NEB: variants seen among roughly 807,000 people sequenced by gnomAD.
NEB encodes the protein nemaline myopathy type 2.
Under a neutral mutation model 952.2 loss-of-function variants are expected in NEB, and 512 were observed. That is an observed-to-expected ratio of 0.54 (90% CI 0.50 to 0.58). NEB has a LOEUF of 0.58. Among genes scored for constraint, NEB ranks in the 20% least tolerant of loss-of-function variants. The probability of loss-of-function intolerance (pLI) is 0.00; values close to 1 mark genes in which losing one functional copy is unlikely to be tolerated. For synonymous variants in NEB, 2,900 were observed against 3,149.8 expected (o/e 0.92, Z 2.66); for missense variants, 8,428 against 9,231.1 (o/e 0.91, Z 3.56).
chr2:151,677,020 C>T (rs903483110), intron 34 of NEB, among the ~76,000 whole-genome samples: 6 of 152,170 alleles, frequency 3.9e-5, no homozygotes, highest in Admixed American at 1.3e-4. Context: ...AGAGCATAGA[C>T]GCTGCTCATG....
Position 151,690,854 on chromosome 2 carries a change from T to C in NEB, c.2212-29A>G, listed in dbSNP as rs1194386870. ...GAAAAGAAGATGTTCTTTAATGAAA[T>C]ATCAGTATATTCTTGGTTATACATG... On this transcript the variant is annotated intron_variant, in intron 23 of 181. Coordinates refer to ENST00000397345, the MANE Select transcript of NEB (RefSeq NM_001164508.2). The C allele has an allele frequency of 1.0e-5, 15 of 1,459,388 alleles. No homozygotes were observed. The South Asian group carries it at 1.8e-4, about 18-fold the overall frequency. The allele number at this position is 1,459,388 out of a possible 1,614,324, so 90.4% of individuals were successfully genotyped here.
At position 151,614,566 on chromosome 2, in the gene NEB, G is replaced by A. The variant is rs767978939; in HGVS notation, c.11311C>T (p.Arg3771Cys). 4.3e-5 allele frequency: 69 copies of A among 1,613,338 alleles called. No homozygotes were observed. The highest frequency in any genetic ancestry group is 6.7e-5 in the East Asian group (3 of 44,886). Reference sequence around the variant, plus strand: ...CCAATATGGTGGCCAAGCTGTTTGCGGTAGCCTTCCTTGTACTTGTACTAA... The same window carrying A: ...CCAATATGGTGGCCAAGCTGTTTGCAGTAGCCTTCCTTGTACTTGTACTAA... Reference protein sequence around the residue: ...ASDYKYKEGYRKQLGHHIGAR... With the variant: ...ASDYKYKEGYCKQLGHHIGAR... The change falls in exon 77 of 182, where the codon CGC (arginine) becomes TGC (cysteine). Residue 3771 changes from arginine to cysteine, a missense_variant. Coordinates refer to ENST00000397345, the MANE Select transcript of NEB (RefSeq NM_001164508.2).
At chr2:151,661,996 C>G in intron 46 of NEB, 139 bp downstream of exon 46, 1 of 629,440 alleles carries the variant, frequency 1.6e-6, no homozygotes, top group Non-Finnish European at 2.5e-6. Context: ...TTTTTTTTAA[C>G]GACAAGACTC....
chr2:151,516,457 AC>A lies in NEB; in HGVS notation c.22905+1del, dbSNP rs771740564. The A allele has an allele frequency of 1.9e-6, 3 of 1,602,210 alleles. No homozygotes were observed. Among genetic ancestry groups the A allele is most frequent in the Non-Finnish European group, 2.6e-6 (3 of 1,170,066 alleles). ...TTGTGTGGTGTGGTTTTTTTGACTTACCCCACTCTGCATCTGCTGAGACTCT... is the reference window on the plus strand; with the variant it reads ...TTGTGTGGTGTGGTTTTTTTGACTTACCCACTCTGCATCTGCTGAGACTCT... On this transcript the variant is annotated splice_donor_variant, in intron 157 of 181. Transcript: ENST00000397345. LOFTEE classifies it high-confidence loss of function.
chr2:151,569,229 G>T, intron 110 of NEB, 39 bp downstream of exon 110: 1 of 1,531,258 alleles, frequency 6.5e-7, no homozygotes, highest in Non-Finnish European at 9.0e-7. Context: ...TCACTTTCTT[G>T]GGAAATGTAC....
chr2:151,645,755 C>T (rs993907971), intron 55 of NEB, among the ~76,000 whole-genome samples: 7 of 152,158 alleles, frequency 4.6e-5, no homozygotes, highest in Non-Finnish European at 8.8e-5. Context: ...TGTATGCTCA[C>T]TGATCCAAAA....
intron 161 of NEB, among the ~76,000 whole-genome samples, chr2:151,509,462 T>C (rs1051202227): frequency 2.0e-5 from 3 of 152,146 alleles, no homozygotes; most frequent in Non-Finnish European, 4.4e-5. Flanking sequence ...GCTAATCCCT[T>C]AGAGGGATAA....
Position 151,654,009 on chromosome 2 carries a change from T to G in NEB, c.6898A>C (p.Arg2300=), listed in dbSNP as rs1367107616. ...AISVQLAKAS[R]DIASDYKYKQ... The stretch of plus-strand genomic sequence containing the variant: ...GTACTCACATCACTAGCAATGTCTC[T>G]TGAAGCTTTAGCTAGCTGTACAGAA... The change falls in exon 52 of 182, where the codon AGA becomes CGA. Residue 2300 remains arginine (R), a synonymous_variant. Transcript: ENST00000397345. 6.2e-7 allele frequency: 1 copy of G among 1,611,718 alleles called. No individual in the cohort carries two copies. The highest frequency in any genetic ancestry group is 8.5e-7 in the Non-Finnish European group (1 of 1,178,326).
At position 151,494,165 on chromosome 2, in the gene NEB, C is replaced by G. The variant is rs2152874768; in HGVS notation, c.24575G>C (p.Ser8192Thr). The G allele has an allele frequency of 6.2e-7, 1 of 1,604,032 alleles. No homozygotes were observed. The highest frequency in any genetic ancestry group is 1.3e-5 in the African/African-American group (1 of 74,930). Residue 8192 changes from serine to threonine, a missense_variant, in exon 174 of 182, where the codon AGC becomes ACC. By Grantham distance (58) the Ser-to-Thr change is moderately conservative (BLOSUM62 1). Coordinates refer to ENST00000397345, the MANE Select transcript of NEB (RefSeq NM_001164508.2). ...QRVKRNQENI[S>T]SVLYKENLGK... ...TTTTGTTTCTCAAGACAATACCGAG[C>G]TAATGTTTTCTTGATTGCGTTTGAC...
At chr2:151,675,491 T>C (rs969039434) in intron 34 of NEB, 100 bp from the exon 35 acceptor site, 25 of 759,706 alleles carry the variant, frequency 3.3e-5, no homozygotes, top group Non-Finnish European at 5.1e-5. Context: ...TTTTCTAGTG[T>C]TAAAAATCAT....
intron 13 of NEB, 54 bp downstream of exon 13, chr2:151,706,827 T>G (rs1277075607): frequency 7.7e-7 from 1 of 1,305,098 alleles, no homozygotes; most frequent in African/African-American, 1.5e-5. Flanking sequence ...AGGAGAAAAT[T>G]TTCATCTCTT....
chr2:151,503,217 C>G (rs907784026), intron 166 of NEB, 132 bp downstream of exon 166: 2 of 668,976 alleles, frequency 3.0e-6, no homozygotes, highest in African/African-American at 3.7e-5. Flanking sequence ...TAATTTTGGT[C>G]AGGTAATAAT....
intron 25 of NEB, among the ~76,000 whole-genome samples, chr2:151,688,081 G>A (rs1051825025): frequency 1.3e-5 from 2 of 152,190 alleles, no homozygotes; most frequent in African/African-American, 4.8e-5. Context: ...CGGGTAATTG[G>A]AGATCTTCTG....
chr2:151,528,809 C>T (rs2088398039), intron 146 of NEB, among the ~76,000 whole-genome samples: 1 of 152,166 alleles, frequency 6.6e-6, no homozygotes, highest in Non-Finnish European at 1.5e-5. Context: ...CTGATGGCAC[C>T]AAATGGCTCA....
chr2:151,514,232 T>C, intron 159 of NEB, 86 bp downstream of exon 159: 11 of 897,692 alleles, frequency 1.2e-5, no homozygotes, highest in Non-Finnish European at 2.0e-5. Context: ...TGTTCTCTGT[T>C]TTTGTTTTGC....
Position 151,664,591 on chromosome 2 carries a change from G to A in NEB, c.5361C>T (p.Gly1787=), listed in dbSNP as rs1310693839. The change falls in exon 44 of 182, where the codon GGC becomes GGT. Residue 1787 remains glycine (G), a synonymous_variant. Transcript: ENST00000397345. The part of the protein sequence containing the change: ...ITMSDKLYKA[G]WEEEKKKGYD... ...ATCCTTTCTTCTTTTCCTCTTCCCAGCCAGCTTTGTACAGTTTCTAAACAA... is the reference window on the plus strand; with the variant it reads ...ATCCTTTCTTCTTTTCCTCTTCCCAACCAGCTTTGTACAGTTTCTAAACAA... The A allele has an allele frequency of 1.2e-6, 2 of 1,605,776 alleles. No individual in the cohort carries two copies. The highest frequency in any genetic ancestry group is 1.3e-5 in the African/African-American group (1 of 74,848).
chr2:151,687,787 A>G (rs1005198294), intron 25 of NEB, 54 bp from the exon 26 acceptor site: 1 of 1,471,118 alleles, frequency 6.8e-7, no homozygotes. Flanking sequence ...GTAATCCAGT[A>G]AAAAAATAAA....
intron 135 of NEB, among the ~76,000 whole-genome samples, chr2:151,545,401 C>CATG (rs2094553498): frequency 6.6e-6 from 1 of 151,612 alleles, no homozygotes; most frequent in African/African-American, 2.4e-5. Flanking sequence ...CATGGAGAAA[C>CATG]CCCATCACTA....
At chr2:151,667,485 TCTTTA>T (rs1157893292) in intron 40 of NEB, among the ~76,000 whole-genome samples, 1 of 152,134 alleles carries the variant, frequency 6.6e-6, no homozygotes, top group Non-Finnish European at 1.5e-5. Flanking sequence ...TATTATAATT[TCTTTA>T]CTTGCTTCTT....
Sources: gnomAD v4.1 joint callset for allele counts (sites outside exome capture counted in the v4.1 genomes callset) on GRCh38, gnomAD v4.1.1 for gene constraint, MANE v1.5 for transcripts, NCBI Gene and HGNC (gene_info 2026-07-23, HGNC 2026-07-21) for gene names.